The following MECOM variants were observed in gnomAD, a reference collection of about 807,000 sequenced individuals.
The protein encoded by MECOM is MDS1 and EVI1 complex locus, also known as histone-lysine N-methyltransferase MECOM.
MECOM carries 13 observed loss-of-function variants against 116.3 expected under a neutral mutation model. The ratio of observed to expected loss-of-function variants is 0.11; its 90% CI spans 0.07 to 0.18. The LOEUF is 0.18. MECOM is among the 10% of genes least tolerant of loss of function. MECOM has a pLI of 1.00. For synonymous variants in MECOM, 528 were observed against 535.2 expected, an observed-to-expected ratio of 0.99 and a Z score of 0.19; for missense variants, 1,299 against 1,509.0, an observed-to-expected ratio of 0.86 and a Z score of 2.31.
intron 2 of MECOM, among the ~76,000 whole-genome samples, chr3:169,367,176 GAGAAT>G (rs1729322190): frequency 2.6e-5 from 4 of 152,060 alleles, no homozygotes; most frequent in Admixed American, 2.6e-4. Flanking sequence ...TGAGGAGAGT[GAGAAT>G]TTTGAGAGGA....
intron 1 of MECOM, among the ~76,000 whole-genome samples, chr3:169,485,561 C>T (rs79099933): frequency 1.3e-5 from 2 of 151,824 alleles, no homozygotes; most frequent in Non-Finnish European, 2.9e-5. Flanking sequence ...TGAGAGGAAA[C>T]TTGAAGATCA....
intron 7 of MECOM, among the ~76,000 whole-genome samples, chr3:169,119,521 C>T (rs1486230810): frequency 2.0e-5 from 3 of 152,174 alleles, no homozygotes; most frequent in Non-Finnish European, 4.4e-5. Flanking sequence ...ATCCCAGAAT[C>T]TTCGATAGCA....
At chr3:169,391,947 A>C (rs910200487) in intron 1 of MECOM, among the ~76,000 whole-genome samples, 2 of 152,208 alleles carry the variant, frequency 1.3e-5, no homozygotes, top group African/African-American at 4.8e-5. Context: ...AAATGCATTC[A>C]GGGCCTCTTC....
Position 169,209,842 on chromosome 3 carries a change from T to C in MECOM, c.376-66010A>G, listed in dbSNP as rs150761312. On this transcript the variant is annotated intron_variant, in intron 2 of 16. Transcript: ENST00000651503. ...CCAGAAATAGCATTTGACCCAGCAA[T>C]CCCATTACTGGATTTATACCCAAAG... Among the ~76,000 whole-genome samples, 567 of 152,266 alleles carry C rather than the reference T, an allele frequency of 3.7e-3. 3 individuals are homozygous for C. The highest frequency in any genetic ancestry group is 0.013 in the African/African-American group (552 of 41,566).
At chr3:169,566,038 CT>C (rs2109402356) in intron 1 of MECOM, 1 of 415,250 alleles carries the variant, frequency 2.4e-6, no homozygotes, top group South Asian at 1.8e-5. Context: ...AAACAAGGAC[CT>C]TCTTCACATG....
At chr3:169,205,824 G>A (rs868188815) in intron 2 of MECOM, among the ~76,000 whole-genome samples, 2 of 152,078 alleles carry the variant, frequency 1.3e-5, no homozygotes, top group African/African-American at 2.4e-5. Context: ...CTGGTGTCCT[G>A]GGGGCCAAAT....
In MECOM at chr3:169,122,605, T is replaced by G; in HGVS notation, c.953A>C (p.His318Pro). 1 of 1,614,070 alleles carries G rather than the reference T, an allele frequency of 6.2e-7. No homozygotes were observed. Among genetic ancestry groups the G allele is most frequent in the Non-Finnish European group, 8.5e-7 (1 of 1,179,922 alleles). Residue 318 changes from histidine (H) to proline (P), a missense_variant, in exon 6 of 17, where the codon CAC becomes CCC. His to Pro is a moderately conservative substitution (Grantham distance 77, BLOSUM62 -2). Coordinates refer to ENST00000651503, the MANE Select transcript of MECOM (RefSeq NM_004991.4). ...CTTGGCACAGTTTTCACATTCATAG[T>G]GCTTTCCACTGTCATGTGACATCTG... The part of the protein sequence containing the change: ...RHQMSHDSGK[H>P]YECENCAKVF...
chr3:169,625,305 A>C (rs1459838942), intron 1 of MECOM, among the ~76,000 whole-genome samples: 1 of 152,056 alleles, frequency 6.6e-6, no homozygotes, highest in Non-Finnish European at 1.5e-5. Flanking sequence ...CCTCCTCCAA[A>C]ATATACCAAT....
At chr3:169,506,149 C>T (rs938567684) in intron 1 of MECOM, among the ~76,000 whole-genome samples, 2 of 152,114 alleles carry the variant, frequency 1.3e-5, no homozygotes, top group African/African-American at 4.8e-5. Flanking sequence ...TCGTTGCAGG[C>T]CGATAAGCAA....
At chr3:169,370,531 T>C (rs1377550508) in intron 2 of MECOM, among the ~76,000 whole-genome samples, 1 of 151,834 alleles carries the variant, frequency 6.6e-6, no homozygotes, top group Non-Finnish European at 1.5e-5. Flanking sequence ...CATGTGGGAC[T>C]ATATCTAACT....
At chr3:169,401,215 C>T (rs1183924251) in intron 1 of MECOM, among the ~76,000 whole-genome samples, 2 of 152,200 alleles carry the variant, frequency 1.3e-5, no homozygotes, top group African/African-American at 4.8e-5. Context: ...CTCCCCTTAG[C>T]TTCCATGGAT....
intron 2 of MECOM, among the ~76,000 whole-genome samples, chr3:169,181,634 G>A (rs1483421937): frequency 6.6e-6 from 1 of 152,174 alleles, no homozygotes; most frequent in Non-Finnish European, 1.5e-5. Flanking sequence ...GTAACTTTGT[G>A]AGTAAAGTGA....
At chr3:169,385,963 C>A (rs972037025) in intron 1 of MECOM, among the ~76,000 whole-genome samples, 3 of 152,100 alleles carry the variant, frequency 2.0e-5, no homozygotes, top group Admixed American at 2.0e-4. Flanking sequence ...TTCATGCATC[C>A]TTTAGGCATG....
At chr3:169,492,947 G>A (rs544574832) in intron 1 of MECOM, among the ~76,000 whole-genome samples, 6 of 152,304 alleles carry the variant, frequency 3.9e-5, no homozygotes, top group Non-Finnish European at 8.8e-5. Flanking sequence ...AAGACAGAGA[G>A]AGACTCCATT....
At chr3:169,408,231 C>T (rs1348980535) in intron 1 of MECOM, among the ~76,000 whole-genome samples, 1 of 152,130 alleles carries the variant, frequency 6.6e-6, no homozygotes, top group Admixed American at 6.5e-5. Flanking sequence ...CCAAGCATGC[C>T]ATGAAATGAG....
intron 3 of MECOM, among the ~76,000 whole-genome samples, chr3:169,135,981 C>A (rs1169363671): frequency 6.6e-6 from 1 of 151,722 alleles, no homozygotes; most frequent in East Asian, 1.9e-4. Flanking sequence ...AGTTTTACCA[C>A]TGGTAAAACC....
At chr3:169,457,202 AGGG>A (rs754377778) in intron 1 of MECOM, among the ~76,000 whole-genome samples, 2 of 151,706 alleles carry the variant, frequency 1.3e-5, no homozygotes, top group Non-Finnish European at 2.9e-5. Flanking sequence ...CCCGAGCAGA[AGGG>A]CCAGAATCTT....
intron 1 of MECOM, among the ~76,000 whole-genome samples, chr3:169,426,364 G>A (rs967217805): frequency 6.6e-6 from 1 of 152,132 alleles, no homozygotes; most frequent in African/African-American, 2.4e-5. Context: ...AATATCTTGA[G>A]GCACAATCTA....
chr3:169,326,271 G>A (rs1721813554), intron 2 of MECOM, among the ~76,000 whole-genome samples: 1 of 152,076 alleles, frequency 6.6e-6, no homozygotes, highest in Non-Finnish European at 1.5e-5. Context: ...GATGCACTCT[G>A]GATATTCTAT....
Sources: gnomAD v4.1 joint callset for allele counts (sites outside exome capture counted in the v4.1 genomes callset) on GRCh38, gnomAD v4.1.1 for gene constraint, MANE v1.5 for transcripts, NCBI Gene and HGNC (gene_info 2026-07-23, HGNC 2026-07-21) for gene names.